The following CLSTN2 variants were observed in gnomAD, a reference collection of about 807,000 sequenced individuals.
The protein encoded by CLSTN2 is calsyntenin-2.
A neutral mutation model predicts 101.2 loss-of-function variants in CLSTN2; 48 were observed. That is an observed-to-expected ratio of 0.47 (90% CI 0.38 to 0.60). The LOEUF is 0.60. Among genes scored for constraint, CLSTN2 ranks in the 20% least tolerant of loss-of-function variants. The pLI, the probability that CLSTN2 is intolerant of heterozygous loss-of-function variation, is 0.00. For synonymous variants in CLSTN2, 481 were observed against 463.6 expected, an observed-to-expected ratio of 1.04 and a Z score of -0.48; for missense variants, 1,160 against 1,238.2, an observed-to-expected ratio of 0.94 and a Z score of 0.95.
At chr3:140,518,944 AG>A (rs1173608956) in intron 8 of CLSTN2, among the ~76,000 whole-genome samples, 1 of 152,106 alleles carries the variant, frequency 6.6e-6, no homozygotes, top group African/African-American at 2.4e-5. Context: ...ATATCTTTCT[AG>A]CTTTTTGATG....
chr3:140,341,185 T>A lies in CLSTN2; in HGVS notation c.233-62444T>A, dbSNP rs79712611. Among the ~76,000 whole-genome samples, 41 of 152,322 alleles carry A rather than the reference T, an allele frequency of 2.7e-4. No individual in the cohort carries two copies. The East Asian group carries it at 7.7e-3, about 29-fold the overall frequency. On this transcript the variant is annotated intron_variant, in intron 2 of 16. Coordinates refer to ENST00000458420, the MANE Select transcript of CLSTN2 (RefSeq NM_022131.3). ...TTTTCCCCCAGTGAGCATAATTACT[T>A]GTATAATCAAAGAGAAAGGAGCTCT...
At chr3:140,245,092 C>T (rs1322008566) in intron 2 of CLSTN2, among the ~76,000 whole-genome samples, 1 of 152,142 alleles carries the variant, frequency 6.6e-6, no homozygotes, top group Non-Finnish European at 1.5e-5. Flanking sequence ...AGACCCTGAT[C>T]TAGTTATTCT....
chr3:140,403,464 A>G (rs945617347), intron 2 of CLSTN2, among the ~76,000 whole-genome samples, 165 bp from the exon 3 acceptor site: 6 of 152,342 alleles, frequency 3.9e-5, no homozygotes, highest in African/African-American at 1.4e-4. Flanking sequence ...CTGTATTTTT[A>G]AGAAGCTCCC....
At chr3:140,245,782 C>G (rs1162156133) in intron 2 of CLSTN2, among the ~76,000 whole-genome samples, 2 of 152,168 alleles carry the variant, frequency 1.3e-5, no homozygotes, top group Non-Finnish European at 2.9e-5. Flanking sequence ...TGCTCTGATT[C>G]AGAAAGGTGC....
chr3:140,337,941 G>A (rs1182789050), intron 2 of CLSTN2, among the ~76,000 whole-genome samples: 1 of 152,174 alleles, frequency 6.6e-6, no homozygotes, highest in Admixed American at 6.5e-5. Context: ...AACTTACTAA[G>A]AGAGCAACTC....
Position 140,092,743 on chromosome 3 carries a change from C to T in CLSTN2, c.110-83208C>T, listed in dbSNP as rs182007420. Among the ~76,000 whole-genome samples the T allele has an allele frequency of 9.5e-4, 145 of 152,300 alleles. 1 individual carries two copies. Among genetic ancestry groups the T allele is most frequent in the African/African-American group, 2.5e-3 (104 of 41,566 alleles). ...AGTTAATTACAACACGAGGGAGTTCCACGAACAATGAAAGCTCATCCAGTG... is the reference window on the plus strand; with the variant it reads ...AGTTAATTACAACACGAGGGAGTTCTACGAACAATGAAAGCTCATCCAGTG... On this transcript the variant is annotated intron_variant, in intron 1 of 16. Coordinates refer to ENST00000458420, the MANE Select transcript of CLSTN2 (RefSeq NM_022131.3).
chr3:140,035,773 G>T (rs1245538272), intron 1 of CLSTN2, among the ~76,000 whole-genome samples: 1 of 152,126 alleles, frequency 6.6e-6, no homozygotes, highest in Non-Finnish European at 1.5e-5. Flanking sequence ...TTTTAGTATG[G>T]CTGTTAAGTC....
intron 1 of CLSTN2, among the ~76,000 whole-genome samples, chr3:140,078,055 A>G (rs1358602195): frequency 6.6e-6 from 1 of 152,160 alleles, no homozygotes; most frequent in African/African-American, 2.4e-5. Flanking sequence ...TGAGGGGAAG[A>G]TGAAAGAGGA....
At chr3:139,963,234 T>G (rs1325722099) in intron 1 of CLSTN2, among the ~76,000 whole-genome samples, 1 of 152,140 alleles carries the variant, frequency 6.6e-6, no homozygotes, top group African/African-American at 2.4e-5. Context: ...GCCTTACTTT[T>G]GCTCTACATA....
chr3:140,391,207 A>G (rs748166601), intron 2 of CLSTN2, among the ~76,000 whole-genome samples: 5 of 152,168 alleles, frequency 3.3e-5, no homozygotes, highest in Non-Finnish European at 7.4e-5. Context: ...CTTTCTATCA[A>G]AGTTTTAGCC....
intron 8 of CLSTN2, among the ~76,000 whole-genome samples, chr3:140,478,904 A>AAGGAAGG (rs1553747324): frequency 1.6e-5 from 2 of 126,876 alleles, no homozygotes; most frequent in African/African-American, 2.8e-5. Flanking sequence ...GGAAGGAAGG[A>AAGGAAGG]AGGGAGGCAG....
chr3:140,001,750 G>A (rs4683781), intron 1 of CLSTN2, among the ~76,000 whole-genome samples: 150,986 of 151,942 alleles, frequency 0.99, 75,026 homozygotes, highest in East Asian at 1. Flanking sequence ...TTAACCATCC[G>A]TACCTCCTTC....
At chr3:140,035,623 G>T (rs1184369579) in intron 1 of CLSTN2, among the ~76,000 whole-genome samples, 3 of 152,168 alleles carry the variant, frequency 2.0e-5, no homozygotes, top group Non-Finnish European at 4.4e-5. Flanking sequence ...GCCTCATAGG[G>T]TTGTTTTGTG....
At chr3:140,434,881 T>G (rs1178569591) in intron 5 of CLSTN2, among the ~76,000 whole-genome samples, 3 of 151,590 alleles carry the variant, frequency 2.0e-5, no homozygotes, top group Non-Finnish European at 4.4e-5. Flanking sequence ...TTATCTTGAA[T>G]ATATTTTTGT....
At chr3:140,053,471 G>A (rs7615793) in intron 1 of CLSTN2, among the ~76,000 whole-genome samples, 13,316 of 152,216 alleles carry the variant, frequency 0.087, 651 homozygotes, top group African/African-American at 0.12. Context: ...CATTGGGCAC[G>A]ATTAACAAAA....
intron 1 of CLSTN2, among the ~76,000 whole-genome samples, chr3:140,022,904 G>A (rs944976330): frequency 1.3e-5 from 2 of 152,142 alleles, no homozygotes; most frequent in East Asian, 1.9e-4. Flanking sequence ...GTCCCTGTGC[G>A]AGCCCCTCCC....
At chr3:140,057,568 C>T (rs536785964) in intron 1 of CLSTN2, among the ~76,000 whole-genome samples, 2 of 152,232 alleles carry the variant, frequency 1.3e-5, no homozygotes, top group East Asian at 1.9e-4. Flanking sequence ...AAAAGTTAAT[C>T]GCCTCATTAG....
chr3:140,350,769 T>C (rs1050766062), intron 2 of CLSTN2, among the ~76,000 whole-genome samples: 2 of 152,176 alleles, frequency 1.3e-5, no homozygotes, highest in African/African-American at 4.8e-5. Flanking sequence ...TGACCCCAGG[T>C]TACTGAAGCC....
intron 2 of CLSTN2, among the ~76,000 whole-genome samples, chr3:140,184,587 C>T (rs922862689): frequency 1.3e-5 from 2 of 152,138 alleles, no homozygotes; most frequent in Non-Finnish European, 2.9e-5. Flanking sequence ...GACACAGAGC[C>T]AAACCATATC....
Sources: gnomAD v4.1 joint callset for allele counts (sites outside exome capture counted in the v4.1 genomes callset) on GRCh38, gnomAD v4.1.1 for gene constraint, MANE v1.5 for transcripts, NCBI Gene and HGNC (gene_info 2026-07-23, HGNC 2026-07-21) for gene names.